Variants in SCARA3 observed in about 807,000 individuals in gnomAD.
SCARA3 encodes the protein scavenger receptor class A member 3.
SCARA3 carries 39 observed loss-of-function variants against 47.0 expected under a neutral mutation model. The ratio of observed to expected loss-of-function variants is 0.83; its 90% CI spans 0.64 to 1.08. The LOEUF is 1.08. Among genes scored for constraint, SCARA3 ranks in the 50% least tolerant of loss-of-function variants. The probability of loss-of-function intolerance (pLI) is 0.00; values close to 1 mark genes in which losing one functional copy is unlikely to be tolerated. For missense variants in SCARA3, 724 were observed against 792.3 expected, an observed-to-expected ratio of 0.91 and a Z score of 1.04; for synonymous variants, 356 against 334.1, an observed-to-expected ratio of 1.07 and a Z score of -0.71.
At chr8:27,648,765 C>G (rs1030645153) in intron 1 of SCARA3, among the ~76,000 whole-genome samples, 9 of 149,640 alleles carry the variant, frequency 6.0e-5, no homozygotes, top group Non-Finnish European at 1.0e-4. Flanking sequence ...CCTTAAGGAC[C>G]CAACAAAACG....
intron 5 of SCARA3, among the ~76,000 whole-genome samples, chr8:27,667,933 C>T (rs548027477): frequency 1.3e-5 from 2 of 152,350 alleles, no homozygotes; most frequent in South Asian, 4.1e-4. Flanking sequence ...CTGCCTGGGA[C>T]ACCTCCCACT....
At chr8:27,698,272 A>ATTTT in the SCARA3 span, among the ~76,000 whole-genome samples, 1 of 151,990 alleles carries the variant, frequency 6.6e-6, no homozygotes, top group Admixed American at 6.6e-5. Flanking sequence ...AAATGCATGG[A>ATTTT]TTTTTTTCTC....
the SCARA3 span, among the ~76,000 whole-genome samples, chr8:27,717,653 C>T: frequency 6.6e-6 from 1 of 152,006 alleles, no homozygotes; most frequent in African/African-American, 2.4e-5. Context: ...GGTGTGGTGG[C>T]ACGTGCCTGT....
Position 27,659,454 on chromosome 8 carries a change from C to T in SCARA3, c.1284C>T (p.Val428=). The change falls in exon 5 of 6, where the codon GTC becomes GTT. Residue 428 remains valine (V), a synonymous_variant. Coordinates refer to ENST00000301904, the MANE Select transcript of SCARA3 (RefSeq NM_016240.3). ...SLLSARLDLN[V]RNLSMIVEEM... ...TCAGTGCCCGGCTGGACCTCAACGT[C>T]CGGAACCTCTCCATGATCGTGGAGG... 2 of 1,614,002 alleles carry T rather than the reference C, an allele frequency of 1.2e-6. No individual in the cohort carries two copies. The highest frequency in any genetic ancestry group is 1.7e-6 in the Non-Finnish European group (2 of 1,179,958).
intron 4 of SCARA3, among the ~76,000 whole-genome samples, chr8:27,657,485 A>G (rs1801767474): frequency 7.7e-6 from 1 of 129,298 alleles, no homozygotes; most frequent in Non-Finnish European, 1.6e-5. Context: ...CTCCTCTCCC[A>G]TCTAGTATGC....
At chr8:27,676,620 C>A (rs773268263), downstream of SCARA3, 1 of 1,329,432 alleles carries the variant, frequency 7.5e-7, no homozygotes, top group Non-Finnish European at 1.1e-6. Context: ...AGCCATAAAG[C>A]CCAGGATGAC....
chr8:27,686,330 G>A, the SCARA3 span, among the ~76,000 whole-genome samples: 3 of 151,966 alleles, frequency 2.0e-5, no homozygotes, highest in African/African-American at 7.3e-5. Flanking sequence ...AGTTGTCCCA[G>A]CTACTTAGGA....
chr8:27,637,062 A>T (rs567965986), intron 1 of SCARA3, among the ~76,000 whole-genome samples: 3 of 152,314 alleles, frequency 2.0e-5, no homozygotes, highest in African/African-American at 7.2e-5. Flanking sequence ...CAAACACGTG[A>T]TGTGATGTGA....
chr8:27,653,715 C>T (rs34037194), intron 3 of SCARA3, among the ~76,000 whole-genome samples: 15,014 of 151,878 alleles, frequency 0.099, 905 homozygotes, highest in East Asian at 0.27. Context: ...CAACTCTATT[C>T]ATTTTAATCA....
chr8:27,711,254 T>G, the SCARA3 span, among the ~76,000 whole-genome samples: 1 of 152,168 alleles, frequency 6.6e-6, no homozygotes, highest in Admixed American at 6.5e-5. Flanking sequence ...TAGTAGACAT[T>G]GGTGATCATT....
At chr8:27,729,102 G>A in the SCARA3 span, among the ~76,000 whole-genome samples, 1 of 152,316 alleles carries the variant, frequency 6.6e-6, no homozygotes, top group South Asian at 2.1e-4. Flanking sequence ...AAAGTGATCA[G>A]GAAATCATGG....
At chr8:27,726,569 G>A in the SCARA3 span, among the ~76,000 whole-genome samples, 7 of 151,854 alleles carry the variant, frequency 4.6e-5, no homozygotes, top group Non-Finnish European at 8.8e-5. Context: ...GCTTGGTGGC[G>A]GGCGCCTGTA....
At chr8:27,707,113 C>G in the SCARA3 span, among the ~76,000 whole-genome samples, 1 of 152,170 alleles carries the variant, frequency 6.6e-6, no homozygotes, top group African/African-American at 2.4e-5. Context: ...AATTGAAAGC[C>G]TAACCATGGG....
rs559017321 is a variant in SCARA3, at chr8:27,651,531, C to T, written c.130C>T (p.Arg44Cys). ...QKGRPGPRCS[R>C]CQKNLSLHTS... Reference sequence around the variant, plus strand: ...AGGCCGGCCAGGGCCCCGCTGCAGCCGCTGCCAGAAGAACCTATCTTTGCA... The same window carrying T: ...AGGCCGGCCAGGGCCCCGCTGCAGCTGCTGCCAGAAGAACCTATCTTTGCA... The change falls in exon 3 of 6, where the codon CGC (arginine) becomes TGC (cysteine). Residue 44 changes from arginine (R) to cysteine (C), a missense_variant. Transcript: ENST00000301904. The T allele has an allele frequency of 2.3e-5, 37 of 1,613,398 alleles. No individual in the cohort carries two copies. The highest frequency in any genetic ancestry group is 9.3e-5 in the African/African-American group (7 of 75,056).
chr8:27,646,247 C>T (rs144712968), intron 1 of SCARA3, among the ~76,000 whole-genome samples: 13 of 152,264 alleles, frequency 8.5e-5, no homozygotes, highest in African/African-American at 2.6e-4. Context: ...CCAAGATCTT[C>T]GCTGGCAGCC....
Position 27,671,578 on chromosome 8 carries a change from A to G in SCARA3, c.*227A>G, listed in dbSNP as rs1802159273. The G allele has an allele frequency of 8.8e-6, 11 of 1,256,690 alleles. No individual in the cohort carries two copies. The Admixed American group carries it at 3.9e-4, about 44-fold the overall frequency. The allele number at this position is 1,256,690 out of a possible 1,614,324, so 77.8% of individuals were successfully genotyped here. A position where few individuals can be genotyped will look rare whatever the true frequency, so the allele number is the denominator to read the frequency against. ...CATGCACACACATGCATGCACACAC[A>G]TGCACACATACACGCACATGCACAC... On this transcript the variant is annotated 3_prime_UTR_variant, in exon 6 of 6. Transcript: ENST00000301904.
chr8:27,695,387 T>G, the SCARA3 span, among the ~76,000 whole-genome samples: 27 of 152,328 alleles, frequency 1.8e-4, 1 homozygote, highest in African/African-American at 6.0e-4. Flanking sequence ...CTGAAGTGTA[T>G]GCTGGACCAA....
At chr8:27,655,172 C>T (rs1430076634) in intron 3 of SCARA3, among the ~76,000 whole-genome samples, 1 of 152,090 alleles carries the variant, frequency 6.6e-6, no homozygotes, top group Admixed American at 6.6e-5. Flanking sequence ...CTGATGAGAG[C>T]CTTAGAGTCA....
At chr8:27,718,958 C>T in the SCARA3 span, among the ~76,000 whole-genome samples, 5 of 152,152 alleles carry the variant, frequency 3.3e-5, no homozygotes, top group Non-Finnish European at 7.3e-5. Context: ...AGTCTCAAGA[C>T]GTAAATAGAG....
Sources: gnomAD v4.1 joint callset for allele counts (sites outside exome capture counted in the v4.1 genomes callset) on GRCh38, gnomAD v4.1.1 for gene constraint, MANE v1.5 for transcripts, NCBI Gene and HGNC (gene_info 2026-07-23, HGNC 2026-07-21) for gene names.